Variants in ATG10 observed in about 807,000 individuals in gnomAD.
ATG10 encodes the protein autophagy related 10.
In ATG10, 30 loss-of-function variants were observed where a neutral mutation model predicts 32.1. The ratio of observed to expected loss-of-function variants is 0.94; its 90% CI spans 0.70 to 1.27. The LOEUF (loss-of-function observed/expected upper bound fraction) is 1.27. Ranked by LOEUF, ATG10 falls within the 50% of genes most tolerant of loss-of-function variation. ATG10 has a pLI of 0.00. For synonymous variants in ATG10, 87 were observed against 91.5 expected, an observed-to-expected ratio of 0.95 and a Z score of 0.28; for missense variants, 233 against 262.3, an observed-to-expected ratio of 0.89 and a Z score of 0.77.
intron 3 of ATG10, among the ~76,000 whole-genome samples, chr5:82,140,119 C>T (rs1322109560): frequency 1.7e-4 from 20 of 119,832 alleles, no homozygotes; most frequent in Admixed American, 2.3e-4. Flanking sequence ...GTGAGGGGCG[C>T]CTCTGCCCGG....
chr5:81,999,948 A>G (rs1183106321), intron 2 of ATG10, among the ~76,000 whole-genome samples: 1 of 152,220 alleles, frequency 6.6e-6, no homozygotes, highest in Non-Finnish European at 1.5e-5. Context: ...CTAGATGTGT[A>G]AAGAAGAACT....
intron 3 of ATG10, among the ~76,000 whole-genome samples, chr5:82,093,102 AT>A (rs1410438822): frequency 1.3e-5 from 2 of 152,164 alleles, no homozygotes; most frequent in African/African-American, 4.8e-5. Context: ...ACTTTAAGCA[AT>A]TTGATTATGC....
At chr5:81,993,345 TTCTTTCTTTCTTTCC>T (rs1264738933) in intron 2 of ATG10, among the ~76,000 whole-genome samples, 38 of 40,930 alleles carry the variant, frequency 9.3e-4, no homozygotes, top group Non-Finnish European at 1.4e-3. Context: ...CCTTCTTTCT[TTCTTTCTTTCTTTCC>T]TTCTTTTCTT....
intron 3 of ATG10, among the ~76,000 whole-genome samples, chr5:82,086,582 T>C (rs1764703302): frequency 6.6e-6 from 1 of 152,176 alleles, no homozygotes; most frequent in African/African-American, 2.4e-5. Flanking sequence ...ACTTCTTAGC[T>C]GTGGTCTTCA....
At chr5:82,042,444 C>T (rs1352574664) in intron 2 of ATG10, among the ~76,000 whole-genome samples, 4 of 152,114 alleles carry the variant, frequency 2.6e-5, no homozygotes, top group Admixed American at 2.6e-4. Flanking sequence ...TATCATTCCA[C>T]CTTGGCCCCT....
intron 2 of ATG10, among the ~76,000 whole-genome samples, chr5:82,056,682 A>C (rs1203046423): frequency 6.6e-6 from 1 of 152,044 alleles, no homozygotes; most frequent in African/African-American, 2.4e-5. Context: ...GCAGGATCAG[A>C]GATCTGTGTC....
chr5:82,147,319 C>T, intron 3 of ATG10: 1 of 169,618 alleles, frequency 5.9e-6, no homozygotes, highest in South Asian at 1.0e-4. Flanking sequence ...CAGGGGTTCA[C>T]CACTACACCT....
chr5:82,189,420 A>G (rs777313802), intron 5 of ATG10, among the ~76,000 whole-genome samples: 5 of 152,306 alleles, frequency 3.3e-5, no homozygotes, highest in Non-Finnish European at 7.4e-5. Context: ...CTATGGAAAA[A>G]TAGTCTTCTT....
chr5:82,239,639 G>A (rs1317610600), intron 5 of ATG10, among the ~76,000 whole-genome samples: 1 of 152,096 alleles, frequency 6.6e-6, no homozygotes, highest in Non-Finnish European at 1.5e-5. Flanking sequence ...TGTGTTTGGG[G>A]AACACCAAGT....
intron 3 of ATG10, among the ~76,000 whole-genome samples, chr5:82,098,607 G>GC (rs1410521591): frequency 3.9e-5 from 6 of 152,150 alleles, no homozygotes; most frequent in African/African-American, 1.4e-4. Flanking sequence ...ACTGTGCCTG[G>GC]CCATGTTGGT....
intron 5 of ATG10, among the ~76,000 whole-genome samples, chr5:82,237,831 G>T (rs1561373094): frequency 6.6e-6 from 1 of 152,076 alleles, no homozygotes; most frequent in Non-Finnish European, 1.5e-5. Context: ...GGGGAGGAGA[G>T]AGGAGATACC....
At chr5:82,109,174 G>A (rs1284707174) in intron 3 of ATG10, among the ~76,000 whole-genome samples, 2 of 152,024 alleles carry the variant, frequency 1.3e-5, no homozygotes, top group African/African-American at 2.4e-5. Context: ...GAGTGGTCAG[G>A]GGAATGCCTT....
At chr5:81,990,375 A>G (rs1223838326) in intron 2 of ATG10, among the ~76,000 whole-genome samples, 1 of 152,124 alleles carries the variant, frequency 6.6e-6, no homozygotes, top group Admixed American at 6.6e-5. Flanking sequence ...AAGATGATAA[A>G]AATTCCTGTT....
intron 2 of ATG10, among the ~76,000 whole-genome samples, chr5:82,051,939 TAGTATTGGTTTGA>T (rs1763443195): frequency 4.6e-5 from 7 of 152,306 alleles, no homozygotes; most frequent in African/African-American, 1.7e-4. Flanking sequence ...CAGCTACTGA[TAGTATTGGTTTGA>T]TCTTCTACAG....
At chr5:82,211,398 C>T (rs57362264) in intron 5 of ATG10, among the ~76,000 whole-genome samples, 3,724 of 152,208 alleles carry the variant, frequency 0.024, 145 homozygotes, top group African/African-American at 0.083. Flanking sequence ...TAGCCCTACA[C>T]GCCTGGGTAC....
chr5:81,978,079 T>G (rs182201351), intron 1 of ATG10, among the ~76,000 whole-genome samples: 9 of 151,532 alleles, frequency 5.9e-5, no homozygotes, highest in African/African-American at 2.2e-4. Context: ...TGTGTTGGTC[T>G]TTTTTTTTGA....
intron 2 of ATG10, among the ~76,000 whole-genome samples, chr5:82,054,784 A>G (rs1763539611): frequency 2.0e-5 from 3 of 152,188 alleles, no homozygotes; most frequent in Non-Finnish European, 4.4e-5. Flanking sequence ...TGGATCCTGT[A>G]AAGACCTTGT....
intron 7 of ATG10, 80 bp downstream of exon 7, chr5:82,253,509 T>G: frequency 1.0e-6 from 1 of 978,800 alleles, no homozygotes; most frequent in Non-Finnish European, 1.6e-6. Context: ...TCCCACCAAA[T>G]GCAAAATTTG....
intron 1 of ATG10, among the ~76,000 whole-genome samples, chr5:81,980,524 A>G (rs973219477): frequency 2.1e-4 from 32 of 152,196 alleles, no homozygotes; most frequent in African/African-American, 7.0e-4. Flanking sequence ...GGGTACAACG[A>G]AATTTATGAA....
Sources: gnomAD v4.1 joint callset for allele counts (sites outside exome capture counted in the v4.1 genomes callset) on GRCh38, gnomAD v4.1.1 for gene constraint, MANE v1.5 for transcripts, NCBI Gene and HGNC (gene_info 2026-07-23, HGNC 2026-07-21) for gene names.